Variants in CADPS2 observed in about 807,000 individuals in gnomAD.
CADPS2 encodes calcium-dependent secretion activator 2.
A neutral mutation model predicts 172.5 loss-of-function variants in CADPS2; 93 were observed. That is an observed-to-expected ratio of 0.54 (90% CI 0.46 to 0.64). CADPS2 has a LOEUF of 0.64. Among genes scored for constraint, CADPS2 ranks in the 30% least tolerant of loss-of-function variants. The pLI, the probability that CADPS2 is intolerant of heterozygous loss-of-function variation, is 0.00. For synonymous variants in CADPS2, 546 were observed against 555.2 expected (o/e 0.98, Z 0.23); for missense variants, 1,420 against 1,565.9 (o/e 0.91, Z 1.57).
At chr7:122,847,332 C>T (rs982048351) in intron 1 of CADPS2, among the ~76,000 whole-genome samples, 5 of 152,178 alleles carry the variant, frequency 3.3e-5, no homozygotes, top group African/African-American at 7.2e-5. Flanking sequence ...AGCAATCCTC[C>T]CTCCTCCGCC....
intron 19 of CADPS2, among the ~76,000 whole-genome samples, chr7:122,411,226 T>TC (rs1425767495): frequency 2.2e-4 from 33 of 151,148 alleles, no homozygotes; most frequent in African/African-American, 7.5e-4. Context: ...TTGATTACTT[T>TC]TTTTTTTTTT....
At chr7:122,494,723 C>T (rs1213493750) in intron 9 of CADPS2, among the ~76,000 whole-genome samples, 1 of 151,774 alleles carries the variant, frequency 6.6e-6, no homozygotes, top group East Asian at 1.9e-4. Flanking sequence ...AACATTAAGC[C>T]TTAATGGGAG....
chr7:122,814,001 A>G (rs1363757746), intron 1 of CADPS2, among the ~76,000 whole-genome samples: 2 of 150,632 alleles, frequency 1.3e-5, no homozygotes, highest in African/African-American at 5.0e-5. Context: ...ATGTGTATAC[A>G]AGGACGTAAG....
chr7:122,379,149 G>A (rs181417914), intron 25 of CADPS2: 118 of 381,380 alleles, frequency 3.1e-4, no homozygotes, highest in African/African-American at 2.4e-3. Context: ...GACAACAATT[G>A]TAGGAAAAGC....
At chr7:122,708,634 A>G (rs1352956873) in intron 2 of CADPS2, among the ~76,000 whole-genome samples, 1 of 149,666 alleles carries the variant, frequency 6.7e-6, no homozygotes, top group Non-Finnish European at 1.5e-5. Flanking sequence ...ACAAAGATAA[A>G]TGAGCATTTG....
intron 2 of CADPS2, among the ~76,000 whole-genome samples, chr7:122,710,082 CAAAA>C (rs35346695): frequency 7.1e-6 from 1 of 140,544 alleles, no homozygotes; most frequent in Non-Finnish European, 1.5e-5. Context: ...TCTGCCAACC[CAAAA>C]AAAAAAAAAT....
chr7:122,701,621 T>A (rs2086110831), intron 2 of CADPS2: 3 of 366,376 alleles, frequency 8.2e-6, no homozygotes, highest in Non-Finnish European at 1.4e-5. Flanking sequence ...AAAATTCACC[T>A]AAAAAAACAA....
In CADPS2 at chr7:122,370,586, GAC is replaced by G. The variant is rs936423614; in HGVS notation, c.3387+8780_3387+8781del. 1.1e-4 allele frequency among the ~76,000 whole-genome samples: 17 copies of G among 152,274 alleles called. No homozygotes were observed. In the South Asian group the frequency reaches 1.2e-3, roughly 11 times the overall value. ...GAATAATAGATAAAGAGGATTCAGA[GAC>G]ACACACATAACCATGAAGAAATGGC... On this transcript the variant is annotated intron_variant, in intron 25 of 29. Transcript: ENST00000449022.
At chr7:122,432,840 T>C (rs1670430418) in intron 17 of CADPS2, among the ~76,000 whole-genome samples, 1 of 151,900 alleles carries the variant, frequency 6.6e-6, no homozygotes. Context: ...ATCTGAGTTC[T>C]TTAGTTCTTT....
At chr7:122,830,311 A>C (rs1321583652) in intron 1 of CADPS2, among the ~76,000 whole-genome samples, 2 of 152,226 alleles carry the variant, frequency 1.3e-5, no homozygotes, top group Non-Finnish European at 2.9e-5. Context: ...TAAGAGAAAT[A>C]AGGACAAAAC....
chr7:122,411,956 A>G (rs1222254652), intron 19 of CADPS2, among the ~76,000 whole-genome samples: 1 of 152,222 alleles, frequency 6.6e-6, no homozygotes, highest in East Asian at 1.9e-4. Flanking sequence ...ATGCTCCAAA[A>G]CATGAGAATG....
At chr7:122,788,134 T>G (rs1423174899) in intron 1 of CADPS2, among the ~76,000 whole-genome samples, 1 of 152,060 alleles carries the variant, frequency 6.6e-6, no homozygotes, top group African/African-American at 2.4e-5. Flanking sequence ...AGCTTCAGGG[T>G]TAATAGGAAA....
At chr7:122,561,772 G>C (rs947817942) in intron 7 of CADPS2, among the ~76,000 whole-genome samples, 2 of 152,038 alleles carry the variant, frequency 1.3e-5, no homozygotes, top group African/African-American at 4.8e-5. Context: ...GATCACTACA[G>C]TCAAGCTAAT....
chr7:122,571,241 AAAC>A (rs1474120977), intron 7 of CADPS2, among the ~76,000 whole-genome samples: 1 of 152,138 alleles, frequency 6.6e-6, no homozygotes, highest in Non-Finnish European at 1.5e-5. Context: ...AAAAGATGCT[AAAC>A]ATCATTAGTG....
chr7:122,468,373 A>G (rs896675156), intron 14 of CADPS2, among the ~76,000 whole-genome samples: 1 of 152,236 alleles, frequency 6.6e-6, no homozygotes, highest in Non-Finnish European at 1.5e-5. Context: ...GACATGGATA[A>G]GAGAAGCACA....
chr7:122,471,344 C>T (rs975865213), intron 14 of CADPS2, 31 bp downstream of exon 14: 15 of 1,445,962 alleles, frequency 1.0e-5, no homozygotes, highest in Middle Eastern at 1.9e-4. Context: ...CAACCCCATA[C>T]ATTTCACTTT....
chr7:122,835,226 G>A (rs1392368085), intron 1 of CADPS2, among the ~76,000 whole-genome samples: 2 of 152,190 alleles, frequency 1.3e-5, no homozygotes, highest in Non-Finnish European at 2.9e-5. Flanking sequence ...TGAAGGTCCT[G>A]ACTGTTAGAA....
chr7:122,624,659 C>G (rs1157356031), intron 4 of CADPS2, among the ~76,000 whole-genome samples: 1 of 152,156 alleles, frequency 6.6e-6, no homozygotes, highest in Non-Finnish European at 1.5e-5. Flanking sequence ...TTCTCTCTTC[C>G]TTTCAATTCA....
chr7:122,386,889 A>G, intron 24 of CADPS2, 137 bp downstream of exon 24: 1 of 812,846 alleles, frequency 1.2e-6, no homozygotes, highest in Non-Finnish European at 1.9e-6. Context: ...GCATTCTGTT[A>G]TTATAGTAAA....
Sources: gnomAD v4.1 joint callset for allele counts (sites outside exome capture counted in the v4.1 genomes callset) on GRCh38, gnomAD v4.1.1 for gene constraint, MANE v1.5 for transcripts, NCBI Gene and HGNC (gene_info 2026-07-23, HGNC 2026-07-21) for gene names.